PPP1R12C: variants seen among roughly 807,000 people sequenced by gnomAD.
PPP1R12C encodes protein phosphatase 1 regulatory subunit 12C.
PPP1R12C carries 48 observed loss-of-function variants against 95.6 expected under a neutral mutation model. That is an observed-to-expected ratio of 0.50 (90% CI 0.40 to 0.64). The LOEUF is 0.64. Ranked by LOEUF, PPP1R12C falls within the 30% of genes least tolerant of loss-of-function variation. The pLI is 0.00. For missense variants in PPP1R12C, 1,057 were observed against 1,083.3 expected (o/e 0.98, Z 0.34); for synonymous variants, 480 against 460.8 (o/e 1.04, Z -0.53).
intron 9 of PPP1R12C, 58 bp downstream of exon 9, chr19:55,095,809 T>C (rs1055179909): frequency 1.3e-6 from 2 of 1,579,528 alleles, no homozygotes; most frequent in African/African-American, 1.4e-5. Context: ...ACAGGCTGTA[T>C]GGAATCCCAC....
Position 55,109,266 on chromosome 19 carries a change from T to C in PPP1R12C, c.571+3201A>G, listed in dbSNP as rs1341714222. On this transcript the variant is annotated intron_variant, in intron 3 of 21. Coordinates refer to ENST00000263433, the MANE Select transcript of PPP1R12C (RefSeq NM_017607.4). This position sits in a 1 kb window ranked among gnomAD's most constrained non-coding sequence, Gnocchi z 4.4. The stretch of plus-strand genomic sequence containing the variant: ...TACGTGCATTCCCACGCCTGGCTAA[T>C]GTGTTTTGTTTTATAGAGATGGGTT... 1.3e-5 allele frequency among the ~76,000 whole-genome samples: 2 copies of C among 152,112 alleles called. No homozygotes were observed. Among genetic ancestry groups the C allele is most frequent in the South Asian group, 4.1e-4 (2 of 4,824 alleles).
chr19:55,113,517 G>A, intron 1 of PPP1R12C: 3 of 1,396,130 alleles, frequency 2.1e-6, no homozygotes, highest in African/African-American at 1.5e-5. Context: ...CAAAACTTGG[G>A]GGGACAAAAG....
intron 3 of PPP1R12C, among the ~76,000 whole-genome samples, chr19:55,110,632 C>G (rs113908229): frequency 0.024 from 3,708 of 152,136 alleles, 124 homozygotes; most frequent in African/African-American, 0.084. Context: ...CAACACTTTG[C>G]GAGGCCGAGG....
In PPP1R12C at chr19:55,098,769, A is replaced by G; in HGVS notation, c.951+15T>C. The G allele has an allele frequency of 6.2e-7, 1 of 1,613,238 alleles. No homozygotes were observed. Among genetic ancestry groups the G allele is most frequent in the Non-Finnish European group, 8.5e-7 (1 of 1,179,918 alleles). On this transcript the variant is annotated intron_variant, in intron 6 of 21. Transcript: ENST00000263433. ...ATGGGGAGTCTGGGGTAAGCCCCTC[A>G]GCCCTGACACTCACGTCCTCCTGTT...
At position 55,091,633 on chromosome 19, in the gene PPP1R12C, G is replaced by A; in HGVS notation, c.2262+17C>T. The A allele has an allele frequency of 9.7e-7, 1 of 1,025,972 alleles. No homozygotes were observed. Among genetic ancestry groups the A allele is most frequent in the African/African-American group, 1.7e-5 (1 of 60,544 alleles). The allele number at this position is 1,025,972 out of a possible 1,614,324, so 63.6% of individuals were successfully genotyped here. On this transcript the variant is annotated intron_variant, in intron 21 of 21. Coordinates refer to ENST00000263433, the MANE Select transcript of PPP1R12C (RefSeq NM_017607.4). ...ACCCACCCTCGGCCCTCTGCCCACA[G>A]CCCCCACAGCCCCCACCTTCAGCTC... is the stretch of plus-strand genomic sequence containing the variant.
rs1394140296 is a variant in PPP1R12C at position 55,117,372 on chromosome 19, C to A, written c.172G>T (p.Ala58Ser). ...RFERAAEFLA[A>S]CAGGDLDEAR... is the part of the protein sequence containing the mutation. ...TCGTCCAGGTCGCCGCCCGCACAGG[C>A]CGCCAGGAACTCGGCGGCGCGCTCG... The change falls in exon 1 of 22, where the codon GCC becomes TCC. Residue 58 changes from alanine to serine, a missense_variant. By Grantham distance (99) the Ala-to-Ser change is moderately conservative. Coordinates refer to ENST00000263433, the MANE Select transcript of PPP1R12C (RefSeq NM_017607.4). The A allele has an allele frequency of 1.8e-6, 2 of 1,103,992 alleles. No homozygotes were observed. Among genetic ancestry groups the A allele is most frequent in the East Asian group, 5.5e-5 (1 of 18,224 alleles). 68.4% of individuals were successfully genotyped at this position (1,103,992 alleles called of 1,614,324 possible). A position where few individuals can be genotyped will look rare whatever the true frequency, so the allele number is the denominator to read the frequency against.
Position 55,091,249 on chromosome 19 carries a change from G to A in PPP1R12C, c.*223C>T. On this transcript the variant is annotated 3_prime_UTR_variant, in exon 22 of 22. Transcript: ENST00000263433. ...CCCGTCTCTGGCCCTGGTCCCCTCT[G>A]GCAACGTCCCCCTGCTTGGCTCGGC... is the stretch of plus-strand genomic sequence containing the variant. The A allele has an allele frequency of 1.7e-6, 1 of 585,326 alleles. No individual in the cohort carries two copies. The highest frequency in any genetic ancestry group is 3.1e-6 in the Non-Finnish European group (1 of 327,800). 36.3% of individuals were successfully genotyped at this position (585,326 alleles called of 1,614,324 possible). A position where few individuals can be genotyped will look rare whatever the true frequency, so the allele number is the denominator to read the frequency against.
chr19:55,095,706 C>T, intron 9 of PPP1R12C, 103 bp from the exon 10 acceptor site: 1 of 1,513,642 alleles, frequency 6.6e-7, no homozygotes, highest in East Asian at 2.3e-5. Flanking sequence ...TCCCATCAGC[C>T]CCCGGGGCAG....
At chr19:55,092,067 C>A (rs1011710705) in intron 19 of PPP1R12C, among the ~76,000 whole-genome samples, 155 bp downstream of exon 19, 9 of 152,140 alleles carry the variant, frequency 5.9e-5, no homozygotes, top group Non-Finnish European at 1.0e-4. Flanking sequence ...CAGCCCCATC[C>A]CCTCGCTCAG....
Position 55,095,862 on chromosome 19 carries a change from C to A in PPP1R12C, c.1227+5G>T, listed in dbSNP as rs745318847. 6.2e-7 allele frequency: 1 copy of A among 1,613,648 alleles called. No homozygotes were observed. Among genetic ancestry groups the A allele is most frequent in the Non-Finnish European group, 8.5e-7 (1 of 1,179,840 alleles). On this transcript the variant is annotated splice_donor_5th_base_variant and intron_variant, in intron 9 of 21. Coordinates refer to ENST00000263433, the MANE Select transcript of PPP1R12C (RefSeq NM_017607.4). ...CTCACAGGACCTCTCAGGGCATCCA[C>A]TCACCACGGGACTCTTAGGGCTGGG...
intron 3 of PPP1R12C, among the ~76,000 whole-genome samples, chr19:55,107,596 A>G (rs930035189): frequency 1.3e-5 from 2 of 151,484 alleles, no homozygotes; most frequent in Admixed American, 6.6e-5. Flanking sequence ...AAACTATCGC[A>G]AGGACAGAAA....
chr19:55,117,310 G>GGGGCCAGGGTCGGCGGCGCGC lies in PPP1R12C; in HGVS notation c.213_233dup (p.Arg72_Pro78dup), dbSNP rs2085165617. On this transcript the variant is annotated inframe_insertion, in exon 1 of 22. Coordinates refer to ENST00000263433, the MANE Select transcript of PPP1R12C (RefSeq NM_017607.4). The stretch of plus-strand genomic sequence containing the variant: ...GCGCGGCGGGGTCGAGCTCGGCGCC[G>GGGGCCAGGGTCGGCGGCGCGC]GGGCCAGGGTCGGCGGCGCGCAGCA... 1 of 1,197,886 alleles carries GGGGCCAGGGTCGGCGGCGCGC rather than the reference G, an allele frequency of 8.3e-7. No homozygotes were observed. Among genetic ancestry groups the GGGGCCAGGGTCGGCGGCGCGC allele is most frequent in the East Asian group, 3.5e-5 (1 of 28,282 alleles). The allele number at this position is 1,197,886 out of a possible 1,614,324, so 74.2% of individuals were successfully genotyped here.
intron 11 of PPP1R12C, 111 bp from the exon 12 acceptor site, chr19:55,094,909 A>G: frequency 1.6e-6 from 2 of 1,271,524 alleles, no homozygotes; most frequent in Non-Finnish European, 2.2e-6. Context: ...ACAGAGTCAG[A>G]GCTGAGCAGA....
intron 1 of PPP1R12C, chr19:55,113,380 A>ACAG: frequency 6.9e-7 from 1 of 1,439,428 alleles, no homozygotes; most frequent in South Asian, 1.4e-5. Flanking sequence ...GAGGGGTGAG[A>ACAG]CAGCTGCACA....
chr19:55,106,794 G>T (rs1292773768), intron 3 of PPP1R12C, among the ~76,000 whole-genome samples: 1 of 152,200 alleles, frequency 6.6e-6, no homozygotes, highest in African/African-American at 2.4e-5. Flanking sequence ...AATGTGACCG[G>T]GCCCATAGCC....
In PPP1R12C at chr19:55,095,879, A is replaced by G. The variant is rs776470612; in HGVS notation, c.1215T>C (p.Pro405=). ...NGVSSPPHPS[P]KSPVQLEEAP... ...GGCATCCACTCACCACGGGACTCTTAGGGCTGGGGTGCGGCGGGGAGGAGA... is the reference window on the plus strand; with the variant it reads ...GGCATCCACTCACCACGGGACTCTTGGGGCTGGGGTGCGGCGGGGAGGAGA... Residue 405 remains proline, a synonymous_variant, in exon 9 of 22, where the codon CCT becomes CCC. Transcript: ENST00000263433. 6.2e-7 allele frequency: 1 copy of G among 1,613,548 alleles called. No individual in the cohort carries two copies. The highest frequency in any genetic ancestry group is 8.5e-7 in the Non-Finnish European group (1 of 1,179,898).
In PPP1R12C at chr19:55,112,780, T is replaced by G. The variant is rs2085112211; in HGVS notation, c.337A>C (p.Asn113His). Residue 113 changes from asparagine to histidine, a missense_variant, in exon 2 of 22, where the codon AAC becomes CAC. Asn to His is a moderately conservative substitution (Grantham distance 68). Transcript: ENST00000263433. ...SALHQACIDE[N>H]LEVVRFLVEQ... is the part of the protein sequence containing the mutation. ...ACCAAGAAGCGCACCACCTCCAGGT[T>G]CTCATCAATGCAGGCCTGGGGGTGG... 6.2e-7 allele frequency: 1 copy of G among 1,612,010 alleles called. No individual in the cohort carries two copies. Among genetic ancestry groups the G allele is most frequent in the Non-Finnish European group, 8.5e-7 (1 of 1,179,700 alleles).
rs2084899644 is a variant in PPP1R12C, at chr19:55,095,435, C to T, written c.1386+10G>A. ...GGCCTGGGCCTGGACCCGGCCCAACCCTCACTCACCTGAGTGGAGGTCCCT... is the reference window on the plus strand; with the variant it reads ...GGCCTGGGCCTGGACCCGGCCCAACTCTCACTCACCTGAGTGGAGGTCCCT... On this transcript the variant is annotated intron_variant, in intron 10 of 21. Transcript: ENST00000263433. 6.4e-7 allele frequency: 1 copy of T among 1,560,738 alleles called. No homozygotes were observed. Among genetic ancestry groups the T allele is most frequent in the Non-Finnish European group, 8.7e-7 (1 of 1,152,688 alleles).
chr19:55,101,979 G>A (rs1462047608), intron 4 of PPP1R12C, among the ~76,000 whole-genome samples: 1 of 151,986 alleles, frequency 6.6e-6, no homozygotes, highest in East Asian at 1.9e-4. Context: ...ACTAAAAACT[G>A]TCAACATAGA....
Sources: gnomAD v4.1 joint callset for allele counts (sites outside exome capture counted in the v4.1 genomes callset) on GRCh38, gnomAD v4.1.1 for gene constraint, Gnocchi (gnomAD v3.1) non-coding constraint, MANE v1.5 for transcripts, NCBI Gene and HGNC (gene_info 2026-07-23, HGNC 2026-07-21) for gene names.